APOLD1: variants seen among roughly 807,000 people sequenced by gnomAD.
APOLD1 encodes apolipoprotein L domain containing 1.
A neutral mutation model predicts 15.3 loss-of-function variants in APOLD1; 22 were observed. That is an observed-to-expected ratio of 1.44 (90% CI 1.03 to 2.05). The LOEUF (loss-of-function observed/expected upper bound fraction) is 2.05. APOLD1 is among the 30% of genes most tolerant of loss of function. APOLD1 has a pLI of 0.00. For missense variants in APOLD1, 394 were observed against 353.5 expected (o/e 1.11, Z -0.92); for synonymous variants, 190 against 167.4 (o/e 1.13, Z -1.04).
At chr12:12,731,391 T>A (rs1215593289) in intron 1 of APOLD1, among the ~76,000 whole-genome samples, 1 of 152,244 alleles carries the variant, frequency 6.6e-6, no homozygotes, top group Admixed American at 6.5e-5. Context: ...AAAATCTTTT[T>A]AAGGCACTTG....
chr12:12,755,963 A>G (rs1191882484), intron 1 of APOLD1, among the ~76,000 whole-genome samples: 2 of 152,202 alleles, frequency 1.3e-5, no homozygotes, highest in South Asian at 4.1e-4. Context: ...GTGTCAGCCA[A>G]TTCCTTAAAC....
At chr12:12,754,482 C>T (rs1005123710) in intron 1 of APOLD1, among the ~76,000 whole-genome samples, 13 of 151,938 alleles carry the variant, frequency 8.6e-5, no homozygotes, top group Non-Finnish European at 1.8e-4. Flanking sequence ...CGGAGTCTTG[C>T]TCTGTCACCC....
At chr12:12,733,158 A>G (rs1240488015) in intron 1 of APOLD1, among the ~76,000 whole-genome samples, 2 of 119,412 alleles carry the variant, frequency 1.7e-5, no homozygotes, top group Non-Finnish European at 3.3e-5. Context: ...TACAAAAAAC[A>G]CCAAAAAAAA....
At chr12:12,746,692 T>C (rs1946769517) in intron 1 of APOLD1, among the ~76,000 whole-genome samples, 1 of 152,106 alleles carries the variant, frequency 6.6e-6, no homozygotes, top group Non-Finnish European at 1.5e-5. Flanking sequence ...TGTACATGGG[T>C]ATATTGCATG....
At chr12:12,752,459 A>G (rs1946819249) in intron 1 of APOLD1, among the ~76,000 whole-genome samples, 1 of 152,208 alleles carries the variant, frequency 6.6e-6, no homozygotes, top group African/African-American at 2.4e-5. Flanking sequence ...TAATCAGAAT[A>G]CAGTGATATT....
chr12:12,739,317 G>A (rs1219681851), intron 1 of APOLD1, among the ~76,000 whole-genome samples: 1 of 152,228 alleles, frequency 6.6e-6, no homozygotes, highest in African/African-American at 2.4e-5. Context: ...CAGGGAGATC[G>A]AGAAGATGAG....
At chr12:12,765,611 C>G (rs568374513) in intron 1 of APOLD1, among the ~76,000 whole-genome samples, 1 of 152,260 alleles carries the variant, frequency 6.6e-6, no homozygotes, top group African/African-American at 2.4e-5. Context: ...TGGCTCAGGC[C>G]TGTAATCCCA....
At chr12:12,730,067 TGTGTGTGTGTGA>T (rs1188081766) in intron 1 of APOLD1, among the ~76,000 whole-genome samples, 27 of 65,920 alleles carry the variant, frequency 4.1e-4, no homozygotes, top group African/African-American at 9.3e-4. Flanking sequence ...TGTGTGTGTG[TGTGTGTGTGTGA>T]GAGAGAGAGA....
intron 1 of APOLD1, among the ~76,000 whole-genome samples, chr12:12,737,028 C>T (rs1192337141): frequency 6.6e-6 from 1 of 152,154 alleles, no homozygotes; most frequent in Non-Finnish European, 1.5e-5. Flanking sequence ...GTGCGATTGG[C>T]GTGAATCTTC....
chr12:12,758,986 CA>C (rs1192692418), intron 1 of APOLD1, among the ~76,000 whole-genome samples: 2 of 152,094 alleles, frequency 1.3e-5, no homozygotes, highest in Admixed American at 1.3e-4. Context: ...TCGTCACAGC[CA>C]ATCTGATAAC....
At chr12:12,726,063 C>T (rs1290077158) in exon 1 of APOLD1, 4 of 1,519,610 alleles carry the variant, frequency 2.6e-6, no homozygotes, top group Non-Finnish European at 3.5e-6. Flanking sequence ...GGGCAGGAGC[C>T]TGGCGAGGAT....
intron 1 of APOLD1, among the ~76,000 whole-genome samples, chr12:12,745,209 C>T (rs995993323): frequency 6.6e-6 from 1 of 152,078 alleles, no homozygotes; most frequent in African/African-American, 2.4e-5. Context: ...CTACCCAACA[C>T]AAAATGAGGA....
chr12:12,746,510 A>C (rs7963037), intron 1 of APOLD1, among the ~76,000 whole-genome samples: 4 of 149,952 alleles, frequency 2.7e-5, no homozygotes, highest in South Asian at 4.3e-4. Context: ...TAAATAAATA[A>C]ATAAATACAT....
intron 1 of APOLD1, chr12:12,771,760 T>A (rs1259150716): frequency 3.4e-6 from 1 of 291,468 alleles, no homozygotes; most frequent in African/African-American, 2.2e-5. Context: ...TTCTAGATTA[T>A]ATATTGCATA....
chr12:12,743,269 A>T (rs900784525), intron 1 of APOLD1, among the ~76,000 whole-genome samples: 7 of 152,142 alleles, frequency 4.6e-5, no homozygotes, highest in Non-Finnish European at 1.0e-4. Context: ...GGTGTCACAC[A>T]CTTGTATTCC....
upstream of APOLD1, among the ~76,000 whole-genome samples, chr12:12,782,370 C>G (rs1041594783): frequency 6.6e-6 from 1 of 152,206 alleles, no homozygotes; most frequent in Non-Finnish European, 1.5e-5. Context: ...AGATCCCACT[C>G]CAGACCTCTT....
intron 1 of APOLD1, among the ~76,000 whole-genome samples, chr12:12,767,820 C>T (rs1272601549): frequency 3.9e-5 from 6 of 151,904 alleles, no homozygotes; most frequent in Non-Finnish European, 8.8e-5. Context: ...GAGTCTCACT[C>T]TGTCACTCGG....
chr12:12,781,843 T>C (rs542796992), upstream of APOLD1, among the ~76,000 whole-genome samples: 24 of 151,830 alleles, frequency 1.6e-4, no homozygotes, highest in African/African-American at 5.8e-4. Context: ...ATCTTTAAAA[T>C]GTAATAGTTT....
At chr12:12,746,045 C>T (rs1049155212) in intron 1 of APOLD1, among the ~76,000 whole-genome samples, 65 of 152,228 alleles carry the variant, frequency 4.3e-4, no homozygotes, top group Admixed American at 1.2e-3. Context: ...CTGGCAGCTC[C>T]GTGATCACTC....
Sources: gnomAD v4.1 joint callset for allele counts (sites outside exome capture counted in the v4.1 genomes callset) on GRCh38, gnomAD v4.1.1 for gene constraint, MANE v1.5 for transcripts, NCBI Gene and HGNC (gene_info 2026-07-23, HGNC 2026-07-21) for gene names.